Variants in ZC2HC1B observed in about 807,000 individuals in gnomAD.
ZC2HC1B encodes zinc finger C2HC-type containing 1B.
ZC2HC1B carries 36 observed loss-of-function variants against 31.0 expected under a neutral mutation model. The ratio of observed to expected loss-of-function variants is 1.16; its 90% CI spans 0.89 to 1.54. The LOEUF (loss-of-function observed/expected upper bound fraction) is 1.54. Ranked by LOEUF, ZC2HC1B falls within the 40% of genes most tolerant of loss-of-function variation. The pLI, the probability that ZC2HC1B is intolerant of heterozygous loss-of-function variation, is 0.00. For missense variants in ZC2HC1B, 260 were observed against 268.6 expected (o/e 0.97, Z 0.22); for synonymous variants, 73 against 88.0 (o/e 0.83, Z 0.95).
chr6:143,902,405 T>C (rs1314239189), intron 5 of ZC2HC1B, among the ~76,000 whole-genome samples: 1 of 152,176 alleles, frequency 6.6e-6, no homozygotes, highest in African/African-American at 2.4e-5. Flanking sequence ...CTGCCTCCTA[T>C]AGTCTCTCAG....
rs1777550742 is a variant in ZC2HC1B at position 143,887,958 on chromosome 6, T to C, written c.349+1137T>C. 1.3e-5 allele frequency among the ~76,000 whole-genome samples: 2 copies of C among 152,258 alleles called. No individual in the cohort carries two copies. The highest frequency in any genetic ancestry group is 4.1e-4 in the South Asian group (2 of 4,830). On this transcript the variant is annotated intron_variant, in intron 4 of 7. Coordinates refer to ENST00000237275, the MANE Select transcript of ZC2HC1B (RefSeq NM_001013623.3). The surrounding 1 kb of genome is among the most constrained non-coding windows in gnomAD (Gnocchi z 5.1). The stretch of plus-strand genomic sequence containing the variant: ...TATCTGTTTTTTCTTTTGTTGCCTG[T>C]GCTTTTGATGTCATATCCAGAAATT...
chr6:143,932,736 T>C (rs1246342941), intron 6 of ZC2HC1B, among the ~76,000 whole-genome samples: 1 of 152,212 alleles, frequency 6.6e-6, no homozygotes, highest in African/African-American at 2.4e-5. Flanking sequence ...AGAACCTTGT[T>C]TTGTCATATT....
intron 4 of ZC2HC1B, among the ~76,000 whole-genome samples, chr6:143,896,023 A>G (rs1216207442): frequency 6.6e-6 from 1 of 152,236 alleles, no homozygotes; most frequent in African/African-American, 2.4e-5. Flanking sequence ...TTCTCAAAAT[A>G]TGTGAAGTTC....
intron 6 of ZC2HC1B, among the ~76,000 whole-genome samples, chr6:143,926,660 C>T (rs1778049908): frequency 1.3e-5 from 2 of 151,746 alleles, no homozygotes; most frequent in South Asian, 2.1e-4. Flanking sequence ...TCTAATGTTC[C>T]TTTGATGATT....
intron 4 of ZC2HC1B, among the ~76,000 whole-genome samples, chr6:143,893,365 G>A (rs748198767): frequency 3.3e-5 from 5 of 152,102 alleles, no homozygotes; most frequent in African/African-American, 4.8e-5. Context: ...GGGAGTTTGA[G>A]ACCAGCCCGG....
At chr6:143,914,917 T>C (rs1038710222) in intron 6 of ZC2HC1B, among the ~76,000 whole-genome samples, 2 of 152,238 alleles carry the variant, frequency 1.3e-5, no homozygotes, top group Admixed American at 6.5e-5. Context: ...GAGTATCTTA[T>C]AGGCAGCATG....
intron 6 of ZC2HC1B, among the ~76,000 whole-genome samples, chr6:143,936,994 T>C (rs1295974285): frequency 6.6e-6 from 1 of 152,168 alleles, no homozygotes; most frequent in Non-Finnish European, 1.5e-5. Context: ...CATAAAACAC[T>C]GAGTAGAAAG....
Position 143,933,302 on chromosome 6 carries a change from G to T in ZC2HC1B, c.599-4347G>T, listed in dbSNP as rs892830241. Among the ~76,000 whole-genome samples the T allele has an allele frequency of 2.0e-5, 3 of 152,130 alleles. No individual in the cohort carries two copies. The highest frequency in any genetic ancestry group is 6.5e-5 in the Admixed American group (1 of 15,276). ...CAGGAGGTGGTGCTTTTGAGAGTGC[G>T]CCAGCCAGCTGCAATAGTAGAGGGG... On this transcript the variant is annotated intron_variant, in intron 6 of 7. Transcript: ENST00000237275. The surrounding 1 kb of genome is among the most constrained non-coding windows in gnomAD (Gnocchi z 6.4).
chr6:143,881,490 G>A (rs1189590078), intron 1 of ZC2HC1B, among the ~76,000 whole-genome samples: 1 of 135,280 alleles, frequency 7.4e-6, no homozygotes, highest in African/African-American at 2.8e-5. Context: ...AGTAGAGGCT[G>A]TAATGAGCCG....
In ZC2HC1B at chr6:143,921,186, T is replaced by C. The variant is rs1777983416; in HGVS notation, c.599-16463T>C. Reference sequence around the variant, plus strand: ...CTCACTCATTCACTTCCTTCAGTTCTTTGCTAAAGTGTCGCCTCAGTGAGA... The same window carrying C: ...CTCACTCATTCACTTCCTTCAGTTCCTTGCTAAAGTGTCGCCTCAGTGAGA... On this transcript the variant is annotated intron_variant, in intron 6 of 7. Coordinates refer to ENST00000237275, the MANE Select transcript of ZC2HC1B (RefSeq NM_001013623.3). This position sits in a 1 kb window ranked among gnomAD's most constrained non-coding sequence, Gnocchi z 6.1. 2.0e-5 allele frequency among the ~76,000 whole-genome samples: 3 copies of C among 152,186 alleles called. No individual in the cohort carries two copies. Among genetic ancestry groups the C allele is most frequent in the Admixed American group, 6.5e-5 (1 of 15,284 alleles).
At position 143,913,414 on chromosome 6, in the gene ZC2HC1B, C is replaced by T. The variant is rs1351078241; in HGVS notation, c.598+10262C>T. On this transcript the variant is annotated intron_variant, in intron 6 of 7. Transcript: ENST00000237275. The surrounding 1 kb of genome is among the most constrained non-coding windows in gnomAD (Gnocchi z 5.7). Reference sequence around the variant, plus strand: ...CCTTGAGGCTCCATCCTGTCTCAGGCAGGCTCCGCCCTGTTGCTGATGGCT... The same window carrying T: ...CCTTGAGGCTCCATCCTGTCTCAGGTAGGCTCCGCCCTGTTGCTGATGGCT... Among the ~76,000 whole-genome samples, 3 of 152,254 alleles carry T rather than the reference C, an allele frequency of 2.0e-5. No homozygotes were observed. Among genetic ancestry groups the T allele is most frequent in the Admixed American group, 6.5e-5 (1 of 15,286 alleles).
At chr6:143,928,188 C>A (rs1218464018) in intron 6 of ZC2HC1B, among the ~76,000 whole-genome samples, 1 of 152,128 alleles carries the variant, frequency 6.6e-6, no homozygotes, top group Non-Finnish European at 1.5e-5. Context: ...GTCTTGAATT[C>A]TTTGTGTAGG....
At chr6:143,930,103 T>C (rs1173321964) in intron 6 of ZC2HC1B, among the ~76,000 whole-genome samples, 1 of 152,180 alleles carries the variant, frequency 6.6e-6, no homozygotes, top group Non-Finnish European at 1.5e-5. Context: ...AGTTCTGCTC[T>C]GAGCTTTGTC....
At chr6:143,880,331 G>A (rs1215207462) in intron 1 of ZC2HC1B, among the ~76,000 whole-genome samples, 1 of 151,836 alleles carries the variant, frequency 6.6e-6, no homozygotes, top group African/African-American at 2.4e-5. Context: ...TCTTCCAAAG[G>A]GTTTCTTTTT....
chr6:143,887,012 G>A lies in ZC2HC1B; in HGVS notation c.349+191G>A, dbSNP rs907633878. 2.0e-5 allele frequency among the ~76,000 whole-genome samples: 3 copies of A among 152,160 alleles called. No homozygotes were observed. Among genetic ancestry groups the A allele is most frequent in the East Asian group, 1.9e-4 (1 of 5,180 alleles). ...TGTTTCCTTCTAACTCTGTCTCAAC[G>A]TGGGAACACCACTGTAGCTGTGCTG... On this transcript the variant is annotated intron_variant, in intron 4 of 7. Coordinates refer to ENST00000237275, the MANE Select transcript of ZC2HC1B (RefSeq NM_001013623.3). The surrounding 1 kb of genome is among the most constrained non-coding windows in gnomAD (Gnocchi z 5.1).
At chr6:143,919,766 A>C (rs1777967018) in intron 6 of ZC2HC1B, among the ~76,000 whole-genome samples, 1 of 152,196 alleles carries the variant, frequency 6.6e-6, no homozygotes, top group Non-Finnish European at 1.5e-5. Context: ...GAAATTGGTG[A>C]AATTAACTGT....
rs1192195127 is a variant in ZC2HC1B, at chr6:143,870,989, A to T, written c.28+6422A>T. Among the ~76,000 whole-genome samples, 1 of 151,972 alleles carries T rather than the reference A, an allele frequency of 6.6e-6. No homozygotes were observed. Among genetic ancestry groups the T allele is most frequent in the Non-Finnish European group, 1.5e-5 (1 of 68,008 alleles). On this transcript the variant is annotated intron_variant, in intron 1 of 7. Coordinates refer to ENST00000237275, the MANE Select transcript of ZC2HC1B (RefSeq NM_001013623.3). This position sits in a 1 kb window ranked among gnomAD's most constrained non-coding sequence, Gnocchi z 4.7. ...CCGGATTAACACACCCACATGAGAAATGTGTTGCCTCCAAAATCCAAATAG... is the reference window on the plus strand; with the variant it reads ...CCGGATTAACACACCCACATGAGAATTGTGTTGCCTCCAAAATCCAAATAG...
At position 143,887,430 on chromosome 6, in the gene ZC2HC1B, C is replaced by T. The variant is rs573415417; in HGVS notation, c.349+609C>T. ...TTAATACTTTAGCTATTTTAGTATGCGTCTCTTAAGTATGAGTTCCTTTTC... is the reference window on the plus strand; with the variant it reads ...TTAATACTTTAGCTATTTTAGTATGTGTCTCTTAAGTATGAGTTCCTTTTC... On this transcript the variant is annotated intron_variant, in intron 4 of 7. Coordinates refer to ENST00000237275, the MANE Select transcript of ZC2HC1B (RefSeq NM_001013623.3). This position sits in a 1 kb window ranked among gnomAD's most constrained non-coding sequence, Gnocchi z 5.1. Among the ~76,000 whole-genome samples the T allele has an allele frequency of 8.3e-4, 127 of 152,156 alleles. No individual in the cohort carries two copies. The South Asian group carries it at 0.014, about 16-fold the overall frequency.
rs551610658 is a variant in ZC2HC1B at position 143,903,571 on chromosome 6, C to A, written c.598+419C>A. Among the ~76,000 whole-genome samples the A allele has an allele frequency of 4.6e-5, 7 of 152,182 alleles. No homozygotes were observed. The East Asian group carries it at 1.2e-3, about 25-fold the overall frequency. ...CATTGTAAATAGAAATATTATAAGT[C>A]AAAAATGCATTTAACATCCCAATTA... On this transcript the variant is annotated intron_variant, in intron 6 of 7. Transcript: ENST00000237275. This position sits in a 1 kb window ranked among gnomAD's most constrained non-coding sequence, Gnocchi z 4.3.
Sources: gnomAD v4.1 joint callset for allele counts (sites outside exome capture counted in the v4.1 genomes callset) on GRCh38, gnomAD v4.1.1 for gene constraint, Gnocchi (gnomAD v3.1) non-coding constraint, MANE v1.5 for transcripts, NCBI Gene and HGNC (gene_info 2026-07-23, HGNC 2026-07-21) for gene names.